The following TMEM132D variants were observed in gnomAD, a reference collection of about 807,000 sequenced individuals.
The protein encoded by TMEM132D is transmembrane protein 132D.
In TMEM132D, 21 loss-of-function variants were observed where a neutral mutation model predicts 62.3. The ratio of observed to expected loss-of-function variants is 0.34; its 90% CI spans 0.24 to 0.49. TMEM132D has a LOEUF of 0.49. Among genes scored for constraint, TMEM132D ranks in the 20% least tolerant of loss-of-function variants. The probability of loss-of-function intolerance (pLI) is 0.99; values close to 1 mark genes in which losing one functional copy is unlikely to be tolerated. For missense variants in TMEM132D, 1,346 were observed against 1,402.8 expected (o/e 0.96, Z 0.65); for synonymous variants, 621 against 575.6 (o/e 1.08, Z -1.13).
At chr12:129,619,037 G>A (rs999612079) in intron 2 of TMEM132D, among the ~76,000 whole-genome samples, 15 of 152,152 alleles carry the variant, frequency 9.9e-5, no homozygotes, top group African/African-American at 3.6e-4. Flanking sequence ...TGAAGACCAA[G>A]GTTTTTTATC....
At chr12:129,896,784 CT>C (rs1466822562) in intron 1 of TMEM132D, among the ~76,000 whole-genome samples, 4 of 152,032 alleles carry the variant, frequency 2.6e-5, no homozygotes, top group African/African-American at 9.7e-5. Flanking sequence ...CTGAATTTCC[CT>C]TTATTTATAT....
At chr12:129,409,105 G>A (rs545756604) in intron 3 of TMEM132D, among the ~76,000 whole-genome samples, 1 of 152,104 alleles carries the variant, frequency 6.6e-6, no homozygotes, top group East Asian at 1.9e-4. Flanking sequence ...GCTAATTTTT[G>A]TATTTTCAGT....
chr12:129,742,807 T>C (rs1869651602), intron 1 of TMEM132D, among the ~76,000 whole-genome samples: 1 of 152,188 alleles, frequency 6.6e-6, no homozygotes, highest in Non-Finnish European at 1.5e-5. Flanking sequence ...GTTGATTGGC[T>C]CCATCCCTGT....
chr12:129,483,255 T>C (rs1311162385), intron 3 of TMEM132D, among the ~76,000 whole-genome samples: 1 of 152,222 alleles, frequency 6.6e-6, no homozygotes, highest in Non-Finnish European at 1.5e-5. Flanking sequence ...TTTTGTCTAA[T>C]ACTGTGGTTC....
chr12:129,783,810 G>A (rs529563552), intron 1 of TMEM132D, among the ~76,000 whole-genome samples: 1 of 152,364 alleles, frequency 6.6e-6, no homozygotes, highest in East Asian at 1.9e-4. Flanking sequence ...CTTGCTCGCT[G>A]TAAGTTGTGT....
chr12:129,285,753 A>G (rs764265893), intron 4 of TMEM132D, among the ~76,000 whole-genome samples: 95 of 152,130 alleles, frequency 6.2e-4, no homozygotes, highest in Admixed American at 2.0e-3. Context: ...ACAGGTGTGA[A>G]AAGTAACTTT....
At chr12:129,077,336 C>G (rs1299898039) in intron 8 of TMEM132D, among the ~76,000 whole-genome samples, 1 of 152,056 alleles carries the variant, frequency 6.6e-6, no homozygotes, top group African/African-American at 2.4e-5. Context: ...GGGATTCCAG[C>G]TGCCCCACAT....
rs776611618 is a variant in TMEM132D at position 129,700,132 on chromosome 12, C to G, written c.646G>C (p.Val216Leu). 6.2e-7 allele frequency: 1 copy of G among 1,613,300 alleles called. No individual in the cohort carries two copies. The highest frequency in any genetic ancestry group is 8.5e-7 in the Non-Finnish European group (1 of 1,180,022). The change falls in exon 2 of 9, where the codon GTG (valine) becomes CTG (leucine). Residue 216 changes from valine (V) to leucine (L), a missense_variant. Val to Leu is a conservative substitution (Grantham distance 32). Coordinates refer to ENST00000422113, the MANE Select transcript of TMEM132D (RefSeq NM_133448.3). ...ACGGGGGTCCCCTCCGGCTGGTCCA[C>G]GGACTTCCTCCTCCCGGCAACCACC... The part of the protein sequence containing the change: ...PTVVAGRRKS[V>L]DQPEGTPVEL...
At chr12:129,373,556 C>G (rs1241980185) in intron 3 of TMEM132D, among the ~76,000 whole-genome samples, 1 of 151,930 alleles carries the variant, frequency 6.6e-6, no homozygotes, top group Non-Finnish European at 1.5e-5. Context: ...GGCGTGAACC[C>G]GGGAGGCGGA....
At position 129,429,582 on chromosome 12, in the gene TMEM132D, CTT is replaced by C. The variant is rs369972389; in HGVS notation, c.1116-91767_1116-91766del. Among the ~76,000 whole-genome samples the C allele has an allele frequency of 3.1e-4, 44 of 143,714 alleles. 1 individual carries two copies. Among genetic ancestry groups the C allele is most frequent in the East Asian group, 2.8e-3 (14 of 4,962 alleles). 94.3% of individuals were successfully genotyped at this position (143,714 alleles called of 152,430 possible). A position where few individuals can be genotyped will look rare whatever the true frequency, so the allele number is the denominator to read the frequency against. On this transcript the variant is annotated intron_variant, in intron 3 of 8. Transcript: ENST00000422113. ...TGCCACCACACCCAGCTAATTCTTT[CTT>C]TTTTTTTTTTTTAATATACTTTAAG... is the stretch of plus-strand genomic sequence containing the variant.
chr12:129,493,685 G>A (rs539589590), intron 3 of TMEM132D, among the ~76,000 whole-genome samples: 1 of 152,306 alleles, frequency 6.6e-6, no homozygotes, highest in South Asian at 2.1e-4. Context: ...ACAAGACAGT[G>A]CACCTATTAT....
rs895890043 is a variant in TMEM132D at position 129,082,095 on chromosome 12, G to A, written c.1650-63C>T. ...GTTGGTCCTCTGTAAGGGGCCGTGT[G>A]TGGAGCCTGGTGGGGGCTGCAGAGG... On this transcript the variant is annotated intron_variant, in intron 6 of 8. Transcript: ENST00000422113. 1.2e-4 allele frequency: 191 copies of A among 1,529,700 alleles called. 1 individual carries two copies. Among genetic ancestry groups the A allele is most frequent in the South Asian group, 7.1e-4 (56 of 78,862 alleles). The allele number at this position is 1,529,700 out of a possible 1,614,324, so 94.8% of individuals were successfully genotyped here.
intron 1 of TMEM132D, among the ~76,000 whole-genome samples, chr12:129,775,142 AAG>A (rs1870878095): frequency 3.9e-5 from 6 of 152,224 alleles, no homozygotes; most frequent in Admixed American, 2.6e-4. Flanking sequence ...TAATAATCTA[AAG>A]AGGAAAAGAT....
chr12:129,900,994 T>C (rs1875334974), intron 1 of TMEM132D, among the ~76,000 whole-genome samples: 1 of 152,200 alleles, frequency 6.6e-6, no homozygotes, highest in Non-Finnish European at 1.5e-5. Flanking sequence ...AATATAAACG[T>C]GTAAGGCTCA....
At chr12:129,427,809 A>G (rs1419545551) in intron 3 of TMEM132D, among the ~76,000 whole-genome samples, 1 of 152,144 alleles carries the variant, frequency 6.6e-6, no homozygotes, top group Non-Finnish European at 1.5e-5. Flanking sequence ...GGGTACCGCA[A>G]TGCAATAGAT....
At chr12:129,530,303 G>A (rs7980508) in intron 3 of TMEM132D, among the ~76,000 whole-genome samples, 31,294 of 152,056 alleles carry the variant, frequency 0.21, 3,515 homozygotes, top group East Asian at 0.41. Flanking sequence ...ATGGCATATC[G>A]GAATTCATCC....
At chr12:129,448,826 T>C (rs1318705459) in intron 3 of TMEM132D, among the ~76,000 whole-genome samples, 1 of 152,218 alleles carries the variant, frequency 6.6e-6, no homozygotes, top group Non-Finnish European at 1.5e-5. Context: ...GCCTAAAGTA[T>C]TTTGAAGTAA....
intron 1 of TMEM132D, among the ~76,000 whole-genome samples, chr12:129,897,671 C>A (rs1034002713): frequency 6.6e-6 from 1 of 152,194 alleles, no homozygotes; most frequent in African/African-American, 2.4e-5. Context: ...AGTAAATCCC[C>A]ATTTTAATCC....
intron 3 of TMEM132D, among the ~76,000 whole-genome samples, chr12:129,428,278 A>G (rs1395402282): frequency 1.3e-5 from 2 of 152,256 alleles, no homozygotes; most frequent in African/African-American, 2.4e-5. Context: ...AAGATGTTAC[A>G]GCACAACAGC....
Sources: gnomAD v4.1 joint callset for allele counts (sites outside exome capture counted in the v4.1 genomes callset) on GRCh38, gnomAD v4.1.1 for gene constraint, MANE v1.5 for transcripts, NCBI Gene and HGNC (gene_info 2026-07-23, HGNC 2026-07-21) for gene names.